The following TUBA4A variants were observed in gnomAD, a reference collection of about 807,000 sequenced individuals.
TUBA4A encodes tubulin alpha-4A chain.
Under a neutral mutation model 34.3 loss-of-function variants are expected in TUBA4A, and 23 were observed. The ratio of observed to expected loss-of-function variants is 0.67; its 90% CI spans 0.48 to 0.95. The LOEUF is 0.95. Ranked by LOEUF, TUBA4A falls within the 40% of genes least tolerant of loss-of-function variation. The probability of loss-of-function intolerance (pLI) is 0.00; values close to 1 mark genes in which losing one functional copy is unlikely to be tolerated. For synonymous variants in TUBA4A, 216 were observed against 230.5 expected (o/e 0.94, Z 0.57); for missense variants, 279 against 599.0 (o/e 0.47, Z 5.58).
chr2:219,252,218 A>G lies in TUBA4A; in HGVS notation c.16T>C (p.Ser6Pro). The change falls in exon 2 of 4, where the codon TCA (serine) becomes CCA (proline). Residue 6 changes from serine to proline, a missense_variant. Physicochemically the swap from Ser to Pro is moderately conservative, Grantham distance 74. Coordinates refer to ENST00000248437, the MANE Select transcript of TUBA4A (RefSeq NM_006000.3). This position sits in a 1 kb window ranked among gnomAD's most constrained non-coding sequence, Gnocchi z 4.1. The stretch of plus-strand genomic sequence containing the variant: ...ACACCTGCCTGCCCCACGTGGACTG[A>G]GATGCATTCACGCTGAGGGATAGAG... MRECI[S>P]VHVGQAGVQM... 2 of 1,613,834 alleles carry G rather than the reference A, an allele frequency of 1.2e-6. No homozygotes were observed. Among genetic ancestry groups the G allele is most frequent in the Non-Finnish European group, 1.7e-6 (2 of 1,179,730 alleles).
chr2:219,253,199 TC>T lies in TUBA4A; in HGVS notation c.3+656del, dbSNP rs945551959. The T allele has an allele frequency of 6.0e-6, 9 of 1,495,314 alleles. No homozygotes were observed. In the East Asian group the frequency reaches 1.0e-4, roughly 17 times the overall value. The allele number at this position is 1,495,314 out of a possible 1,614,324, so 92.6% of individuals were successfully genotyped here. Reference sequence around the variant, plus strand: ...ACCCCCTACATGCACCTCTCTCCCCTCCCCCCAACCTGGCCTCGGCCCGCGC... The same window carrying T: ...ACCCCCTACATGCACCTCTCTCCCCTCCCCCAACCTGGCCTCGGCCCGCGC... On this transcript the variant is annotated intron_variant, in intron 1 of 3. Transcript: ENST00000248437.
intron 1 of TUBA4A, chr2:219,253,539 G>A: frequency 1.1e-6 from 1 of 875,570 alleles, no homozygotes; most frequent in South Asian, 1.4e-5. Context: ...GAAAGGACGG[G>A]GCGCGGGCCC....
In TUBA4A at chr2:219,250,144, T is replaced by C; in HGVS notation, c.*208A>G. Reference sequence around the variant, plus strand: ...AATTTAAAGTCCCTGGGGTTATGCTTCCTGGGCCTGGCAAGAACCCCTTTG... The same window carrying C: ...AATTTAAAGTCCCTGGGGTTATGCTCCCTGGGCCTGGCAAGAACCCCTTTG... On this transcript the variant is annotated 3_prime_UTR_variant, in exon 4 of 4. Coordinates refer to ENST00000248437, the MANE Select transcript of TUBA4A (RefSeq NM_006000.3). This position sits in a 1 kb window ranked among gnomAD's most constrained non-coding sequence, Gnocchi z 8.4. The C allele has an allele frequency of 4.0e-6, 3 of 746,260 alleles. No homozygotes were observed. In the South Asian group the frequency reaches 5.3e-5, roughly 13 times the overall value. The allele number at this position is 746,260 out of a possible 1,614,324, so 46.2% of individuals were successfully genotyped here.
Position 219,250,964 on chromosome 2 carries a change from G to A in TUBA4A, c.735C>T (p.Asp245=), listed in dbSNP as rs773752934. The A allele has an allele frequency of 1.6e-5, 26 of 1,614,092 alleles. No homozygotes were observed. The South Asian group carries it at 1.6e-4, about 10-fold the overall frequency. The change falls in exon 4 of 4, where the codon GAC becomes GAT. Residue 245 remains aspartate, a synonymous_variant. Coordinates refer to ENST00000248437, the MANE Select transcript of TUBA4A (RefSeq NM_006000.3). The surrounding 1 kb of genome is among the most constrained non-coding windows in gnomAD (Gnocchi z 8.4). ...CTGTCAGGTCCACATTGAGGGCCCC[G>A]TCAAAGCGCAGAGAAGCTGTGATGG... ...VSSITASLRF[D]GALNVDLTEF...
In TUBA4A at chr2:219,252,998, A is replaced by G. The variant is rs1412372601; in HGVS notation, c.4-768T>C. On this transcript the variant is annotated intron_variant, in intron 1 of 3. Coordinates refer to ENST00000248437, the MANE Select transcript of TUBA4A (RefSeq NM_006000.3). The surrounding 1 kb of genome is among the most constrained non-coding windows in gnomAD (Gnocchi z 4.1). ...GCGGGGTGACGGTTTCCAAATACCC[A>G]GAAAGGAAGTGGAACCTGCGGTGAG... The G allele has an allele frequency of 8.6e-6, 5 of 579,304 alleles. No individual in the cohort carries two copies. In the Admixed American group the frequency reaches 1.1e-4, roughly 13 times the overall value. 35.9% of individuals were successfully genotyped at this position (579,304 alleles called of 1,614,324 possible). A position where few individuals can be genotyped will look rare whatever the true frequency, so the allele number is the denominator to read the frequency against.
chr2:219,253,175 C>T (rs1205781851), intron 1 of TUBA4A: 1 of 1,516,696 alleles, frequency 6.6e-7, no homozygotes, highest in Non-Finnish European at 8.9e-7. Context: ...ATAAATACCA[C>T]CCCCTACATG....
rs537411926 is a variant in TUBA4A, at chr2:219,252,162, A to G, written c.72T>C (p.Tyr24=). The stretch of plus-strand genomic sequence containing the variant: ...CAGGCTGAATCCCATGTTCCAAGCA[A>G]TAGAGCTCCCAGCAGGCATTGCCCA... ...VQMGNACWEL[Y]CLEHGIQPDG... The change falls in exon 2 of 4, where the codon TAT becomes TAC. Residue 24 remains tyrosine, a synonymous_variant. Coordinates refer to ENST00000248437, the MANE Select transcript of TUBA4A (RefSeq NM_006000.3). The surrounding 1 kb of genome is among the most constrained non-coding windows in gnomAD (Gnocchi z 4.1). The G allele has an allele frequency of 3.8e-5, 62 of 1,614,172 alleles. 1 individual carries two copies. The Middle Eastern group carries it at 9.9e-4, about 26-fold the overall frequency.
At position 219,251,979 on chromosome 2, in the gene TUBA4A, C is replaced by A. The variant is rs1054971666; in HGVS notation, c.226+29G>T. The A allele has an allele frequency of 6.2e-7, 1 of 1,602,992 alleles. No homozygotes were observed. The highest frequency in any genetic ancestry group is 8.5e-7 in the Non-Finnish European group (1 of 1,170,134). ...AGAAGCTTTGAGTCATGCTCCACCC[C>A]CTTCAATTTTGTCCCCACTTCCTCT... On this transcript the variant is annotated intron_variant, in intron 2 of 3. Transcript: ENST00000248437. This position sits in a 1 kb window ranked among gnomAD's most constrained non-coding sequence, Gnocchi z 6.1.
rs371074506 is a variant in TUBA4A, at chr2:219,251,055, C to T, written c.644G>A (p.Arg215His). The T allele has an allele frequency of 3.7e-6, 6 of 1,614,152 alleles. No individual in the cohort carries two copies. The highest frequency in any genetic ancestry group is 5.1e-6 in the Non-Finnish European group (6 of 1,180,044). The change falls in exon 4 of 4, where the codon CGC (arginine) becomes CAC (histidine). Residue 215 changes from arginine to histidine, a missense_variant. Transcript: ENST00000248437. The surrounding 1 kb of genome is among the most constrained non-coding windows in gnomAD (Gnocchi z 6.1). ...DNEAIYDICR[R>H]NLDIERPTYT... ...GGTTGGGCGCTCGATGTCTAGGTTG[C>T]GGCGGCAGATGTCATAGATTGCTTC...
chr2:219,253,938 C>G (rs1471813426), upstream of TUBA4A: 8 of 1,140,832 alleles, frequency 7.0e-6, no homozygotes, highest in Non-Finnish European at 9.1e-6. Context: ...AGTGCCGCAC[C>G]GCCCTTATAG....
chr2:219,251,065 T>C lies in TUBA4A; in HGVS notation c.634A>G (p.Ile212Val), dbSNP rs1470482729. The change falls in exon 4 of 4, where the codon ATC becomes GTC. Residue 212 changes from isoleucine (I) to valine (V), a missense_variant. This residue lies in a region of TUBA4A where 108 missense variants were observed against 299.9 expected (regional missense o/e 0.36). Coordinates refer to ENST00000248437, the MANE Select transcript of TUBA4A (RefSeq NM_006000.3). This position sits in a 1 kb window ranked among gnomAD's most constrained non-coding sequence, Gnocchi z 6.1. ...TCGATGTCTAGGTTGCGGCGGCAGATGTCATAGATTGCTTCGTTGTCCACC... is the reference window on the plus strand; with the variant it reads ...TCGATGTCTAGGTTGCGGCGGCAGACGTCATAGATTGCTTCGTTGTCCACC... ...FMVDNEAIYDICRRNLDIERP... is the reference protein window; with the variant it reads ...FMVDNEAIYDVCRRNLDIERP... The C allele has an allele frequency of 6.2e-7, 1 of 1,614,152 alleles. No homozygotes were observed. Among genetic ancestry groups the C allele is most frequent in the Non-Finnish European group, 8.5e-7 (1 of 1,180,032 alleles).
chr2:219,252,024 C>T lies in TUBA4A; in HGVS notation c.210G>A (p.Leu70=), dbSNP rs1490755199. ...KHVPRAVFVD[L]EPTVIDEIRN... ...TCCTCTCACCAATGACCGTAGGCTC[C>T]AGATCCACAAAAACTGCCCGGGGTA... Residue 70 remains leucine, a synonymous_variant, in exon 2 of 4, where the codon CTG becomes CTA. Transcript: ENST00000248437. This position sits in a 1 kb window ranked among gnomAD's most constrained non-coding sequence, Gnocchi z 4.1. 21 of 1,614,200 alleles carry T rather than the reference C, an allele frequency of 1.3e-5. No individual in the cohort carries two copies. Among genetic ancestry groups the T allele is most frequent in the Non-Finnish European group, 1.5e-5 (18 of 1,180,020 alleles).
chr2:219,253,664 G>A (rs767075266), intron 1 of TUBA4A, among the ~76,000 whole-genome samples, 192 bp downstream of exon 1: 16 of 152,180 alleles, frequency 1.1e-4, no homozygotes, highest in Admixed American at 2.0e-4. Context: ...CCCAACCCCA[G>A]CCACCGAAGG....
At position 219,251,787 on chromosome 2, in the gene TUBA4A, G is replaced by T. The variant is rs45488900; in HGVS notation, c.227-74C>A. ...CCCAGGGTGGTAGCTGTGGCCAGAT[G>T]CATGGAAGGACTCATCCTCCTGCCA... is the stretch of plus-strand genomic sequence containing the variant. On this transcript the variant is annotated intron_variant, in intron 2 of 3. Transcript: ENST00000248437. This position sits in a 1 kb window ranked among gnomAD's most constrained non-coding sequence, Gnocchi z 6.1. The T allele has an allele frequency of 0.11, 171,346 of 1,541,726 alleles. 10,919 individuals carry two copies. Among genetic ancestry groups the T allele is most frequent in the African/African-American group, 0.22 (16,303 of 73,428 alleles).
Position 219,252,542 on chromosome 2 carries a change from C to G in TUBA4A, c.4-312G>C, listed in dbSNP as rs45576041. On this transcript the variant is annotated intron_variant, in intron 1 of 3. Transcript: ENST00000248437. The surrounding 1 kb of genome is among the most constrained non-coding windows in gnomAD (Gnocchi z 4.1). ...GAGGTATGGGTTTACAGCTAGAGGC[C>G]CCCCCCCCACTTGATTAATTATTTG... 0.029 allele frequency among the ~76,000 whole-genome samples: 3,574 copies of G among 122,120 alleles called. 143 individuals are homozygous for G. Among genetic ancestry groups the G allele is most frequent in the African/African-American group, 0.1 (3,344 of 33,484 alleles). The allele number at this position is 122,120 out of a possible 152,430, so 80.1% of individuals were successfully genotyped here. A position where few individuals can be genotyped will look rare whatever the true frequency, so the allele number is the denominator to read the frequency against.
chr2:219,250,241 G>A lies in TUBA4A; in HGVS notation c.*111C>T, dbSNP rs997097262. On this transcript the variant is annotated 3_prime_UTR_variant, in exon 4 of 4. Transcript: ENST00000248437. The surrounding 1 kb of genome is among the most constrained non-coding windows in gnomAD (Gnocchi z 8.4). ...AACAGAGCAGCAGCAGCATGAAGGGGAAGGCAGCAGAAGCTCAAGCACTCA... is the reference window on the plus strand; with the variant it reads ...AACAGAGCAGCAGCAGCATGAAGGGAAAGGCAGCAGAAGCTCAAGCACTCA... The A allele has an allele frequency of 5.6e-6, 8 of 1,435,678 alleles. No homozygotes were observed. The highest frequency in any genetic ancestry group is 5.4e-5 in the South Asian group (4 of 74,092). The allele number at this position is 1,435,678 out of a possible 1,614,324, so 88.9% of individuals were successfully genotyped here. A position where few individuals can be genotyped will look rare whatever the true frequency, so the allele number is the denominator to read the frequency against.
Position 219,252,953 on chromosome 2 carries a change from G to GTGCTCAGCGCCAGCTGT in TUBA4A, c.4-724_4-723insACAGCTGGCGCTGAGCA. ...CACTAAAGTCCGGCAGGGCCCGCGC[G>GTGCTCAGCGCCAGCTGT]CTCTTCCCACACCGAAATGGCGGGG... On this transcript the variant is annotated intron_variant, in intron 1 of 3. Coordinates refer to ENST00000248437, the MANE Select transcript of TUBA4A (RefSeq NM_006000.3). The surrounding 1 kb of genome is among the most constrained non-coding windows in gnomAD (Gnocchi z 4.1). The GTGCTCAGCGCCAGCTGT allele has an allele frequency of 2.0e-6, 1 of 495,398 alleles. No homozygotes were observed. Among genetic ancestry groups the GTGCTCAGCGCCAGCTGT allele is most frequent in the Non-Finnish European group, 4.1e-6 (1 of 246,480 alleles). 30.7% of individuals were successfully genotyped at this position (495,398 alleles called of 1,614,324 possible).
In TUBA4A at chr2:219,250,317, C is replaced by CA. The variant is rs765926994; in HGVS notation, c.*34dup. The CA allele has an allele frequency of 1.3e-6, 2 of 1,569,412 alleles. No individual in the cohort carries two copies. The highest frequency in any genetic ancestry group is 2.3e-5 in the South Asian group (2 of 85,274). ...AACTGTTTATTTCGAAAGGATTTTGCAATAAACATAGTGAATAGGCTCCAG... is the reference window on the plus strand; with the variant it reads ...AACTGTTTATTTCGAAAGGATTTTGCAAATAAACATAGTGAATAGGCTCCAG... On this transcript the variant is annotated 3_prime_UTR_variant, in exon 4 of 4. Coordinates refer to ENST00000248437, the MANE Select transcript of TUBA4A (RefSeq NM_006000.3). This position sits in a 1 kb window ranked among gnomAD's most constrained non-coding sequence, Gnocchi z 8.4.
Position 219,250,837 on chromosome 2 carries a change from C to T in TUBA4A, c.862G>A (p.Val288Met). The T allele has an allele frequency of 6.2e-7, 1 of 1,614,182 alleles. No individual in the cohort carries two copies. The highest frequency in any genetic ancestry group is 2.2e-5 in the East Asian group (1 of 44,888). ...AEKAYHEQLSVAEITNACFEP... is the reference protein window; with the variant it reads ...AEKAYHEQLSMAEITNACFEP... ...AAGCAGGCATTGGTGATCTCTGCCACCGACAGCTGCTCGTGGTATGCCTTT... is the reference window on the plus strand; with the variant it reads ...AAGCAGGCATTGGTGATCTCTGCCATCGACAGCTGCTCGTGGTATGCCTTT... The change falls in exon 4 of 4, where the codon GTG (valine) becomes ATG (methionine). Residue 288 changes from valine to methionine, a missense_variant. Transcript: ENST00000248437. The surrounding 1 kb of genome is among the most constrained non-coding windows in gnomAD (Gnocchi z 8.4).
Sources: allele counts gnomAD v4.1 joint callset (sites outside exome capture counted in the v4.1 genomes callset), GRCh38; gene constraint gnomAD v4.1.1; regional missense constraint gnomAD v4.1.1; non-coding constraint Gnocchi (gnomAD v3.1); transcripts MANE v1.5; gene names NCBI Gene and HGNC (gene_info 2026-07-23, HGNC 2026-07-21).